The following RIT2 variants were observed in gnomAD, a reference collection of about 807,000 sequenced individuals.
RIT2 encodes the protein GTP-binding protein Rit2.
RIT2 carries 24 observed loss-of-function variants against 23.7 expected under a neutral mutation model. The ratio of observed to expected loss-of-function variants is 1.01; its 90% CI spans 0.73 to 1.43. The LOEUF is 1.43. Among genes scored for constraint, RIT2 ranks in the 40% most tolerant of loss-of-function variants. The pLI is 0.00. For missense variants in RIT2, 236 were observed against 266.9 expected, an observed-to-expected ratio of 0.88 and a Z score of 0.81; for synonymous variants, 107 against 91.1, an observed-to-expected ratio of 1.17 and a Z score of -0.99.
intron 1 of RIT2, among the ~76,000 whole-genome samples, chr18:43,112,636 G>T (rs1438034253): frequency 6.6e-6 from 1 of 152,136 alleles, no homozygotes; most frequent in East Asian, 1.9e-4. Flanking sequence ...AGGCACAATG[G>T]CTCATGCCTA....
At chr18:42,795,983 C>A (rs919195991) in intron 4 of RIT2, among the ~76,000 whole-genome samples, 2 of 152,100 alleles carry the variant, frequency 1.3e-5, no homozygotes, top group African/African-American at 4.8e-5. Context: ...TCAAAACAGA[C>A]CCCTTGGCTC....
At chr18:42,963,848 A>G (rs1910148927) in intron 3 of RIT2, among the ~76,000 whole-genome samples, 1 of 152,162 alleles carries the variant, frequency 6.6e-6, no homozygotes, top group Non-Finnish European at 1.5e-5. Flanking sequence ...GTGAGCTGAT[A>G]TTGCACCACT....
At chr18:43,037,133 G>T (rs1480157848) in intron 1 of RIT2, among the ~76,000 whole-genome samples, 1 of 152,000 alleles carries the variant, frequency 6.6e-6, no homozygotes, top group Non-Finnish European at 1.5e-5. Context: ...TAATAACAAT[G>T]GTCTATCTTT....
chr18:42,877,177 A>G (rs2144072542), intron 4 of RIT2, among the ~76,000 whole-genome samples: 1 of 152,064 alleles, frequency 6.6e-6, no homozygotes, highest in East Asian at 1.9e-4. Flanking sequence ...GAATCAAGAC[A>G]GCTCAGGTAT....
intron 4 of RIT2, among the ~76,000 whole-genome samples, chr18:42,757,210 G>A (rs1913184215): frequency 6.6e-6 from 1 of 152,122 alleles, no homozygotes; most frequent in Non-Finnish European, 1.5e-5. Context: ...ATTACTTAAG[G>A]TTTTAACTTA....
chr18:43,053,600 G>A (rs1912434101), intron 1 of RIT2, among the ~76,000 whole-genome samples: 1 of 151,950 alleles, frequency 6.6e-6, no homozygotes, highest in Admixed American at 6.6e-5. Flanking sequence ...CTGGGAGGAA[G>A]GGACTCAATA....
chr18:43,065,768 A>G (rs1363108870), intron 1 of RIT2, among the ~76,000 whole-genome samples: 1 of 150,144 alleles, frequency 6.7e-6, no homozygotes, highest in Non-Finnish European at 1.5e-5. Flanking sequence ...GTGATCATGG[A>G]AGGTTTTATA....
intron 2 of RIT2, among the ~76,000 whole-genome samples, chr18:43,003,584 A>G (rs183195136): frequency 1.9e-4 from 29 of 151,944 alleles, no homozygotes; most frequent in African/African-American, 6.7e-4. Flanking sequence ...CTTCTATTTA[A>G]TTGACTCTGG....
intron 1 of RIT2, among the ~76,000 whole-genome samples, chr18:43,051,866 C>T (rs531906478): frequency 2.0e-5 from 3 of 152,248 alleles, no homozygotes; most frequent in East Asian, 3.9e-4. Flanking sequence ...TCAATCACCT[C>T]TTCCCAGATA....
chr18:43,075,803 A>T (rs1230032703), intron 1 of RIT2, among the ~76,000 whole-genome samples: 1 of 152,188 alleles, frequency 6.6e-6, no homozygotes, highest in Non-Finnish European at 1.5e-5. Flanking sequence ...TCATCAGATG[A>T]GCCAAAAATG....
intron 4 of RIT2, among the ~76,000 whole-genome samples, chr18:42,894,320 C>T (rs904390435): frequency 7.9e-5 from 12 of 152,162 alleles, no homozygotes; most frequent in African/African-American, 2.9e-4. Flanking sequence ...CAACAGAAAA[C>T]TGAATCCAAT....
chr18:42,865,459 A>G (rs1237047140), intron 4 of RIT2, among the ~76,000 whole-genome samples: 1 of 152,198 alleles, frequency 6.6e-6, no homozygotes, highest in African/African-American at 2.4e-5. Context: ...CAATGTATAA[A>G]CATATTACCT....
In RIT2 at chr18:42,953,833, T is replaced by C. The variant is rs563110483; in HGVS notation, c.234+20241A>G. 4.6e-5 allele frequency among the ~76,000 whole-genome samples: 7 copies of C among 152,256 alleles called. No homozygotes were observed. The South Asian group carries it at 6.2e-4, about 14-fold the overall frequency. The stretch of plus-strand genomic sequence containing the variant: ...TTTAAAATAAACTACTTTAGAATAA[T>C]AGTAGAGACCAGATAATATCTAGAG... On this transcript the variant is annotated intron_variant, in intron 3 of 4. Transcript: ENST00000326695.
chr18:42,777,304 A>G (rs1567993703), intron 4 of RIT2, among the ~76,000 whole-genome samples: 1 of 151,610 alleles, frequency 6.6e-6, no homozygotes, highest in African/African-American at 2.4e-5. Context: ...AAAAAAAAGA[A>G]AGAGAGAAAC....
chr18:42,960,305 T>G (rs756682460), intron 3 of RIT2, among the ~76,000 whole-genome samples: 20 of 152,114 alleles, frequency 1.3e-4, no homozygotes, highest in Non-Finnish European at 2.5e-4. Context: ...AATGTTTTTT[T>G]GTTTGTTTTT....
At chr18:42,836,071 C>T (rs1018921359) in intron 4 of RIT2, among the ~76,000 whole-genome samples, 1 of 152,160 alleles carries the variant, frequency 6.6e-6, no homozygotes, top group Non-Finnish European at 1.5e-5. Flanking sequence ...ACACTTCTTA[C>T]TCCCATTTCA....
chr18:42,920,084 T>C (rs1598714917), intron 4 of RIT2, among the ~76,000 whole-genome samples: 1 of 152,128 alleles, frequency 6.6e-6, no homozygotes, highest in Non-Finnish European at 1.5e-5. Flanking sequence ...AAACCAACTT[T>C]GGGCTACTAC....
chr18:42,987,570 T>C (rs1015979102), intron 2 of RIT2, among the ~76,000 whole-genome samples: 2 of 152,190 alleles, frequency 1.3e-5, no homozygotes, highest in African/African-American at 4.8e-5. Context: ...TATGTACATG[T>C]AGAGTTACAC....
chr18:42,771,122 ATT>A (rs563474529), intron 4 of RIT2, among the ~76,000 whole-genome samples: 18 of 151,590 alleles, frequency 1.2e-4, no homozygotes, highest in Non-Finnish European at 2.4e-4. Context: ...AAACTACGTA[ATT>A]TTTTTTTATT....
Sources: gnomAD v4.1 joint callset for allele counts (sites outside exome capture counted in the v4.1 genomes callset) on GRCh38, gnomAD v4.1.1 for gene constraint, MANE v1.5 for transcripts, NCBI Gene and HGNC (gene_info 2026-07-23, HGNC 2026-07-21) for gene names.